Variants in PUS7 observed in about 807,000 individuals in gnomAD.
PUS7 encodes the protein pseudouridylate synthase 7 homolog.
In PUS7, 48 loss-of-function variants were observed where a neutral mutation model predicts 79.8. The observed-to-expected ratio is 0.60, with a 90% CI of 0.48 to 0.76. The LOEUF is 0.76. Ranked by LOEUF, PUS7 falls within the 30% of genes least tolerant of loss-of-function variation. The probability of loss-of-function intolerance (pLI) is 0.00; values close to 1 mark genes in which losing one functional copy is unlikely to be tolerated. For missense variants in PUS7, 729 were observed against 797.6 expected (o/e 0.91, Z 1.04); for synonymous variants, 286 against 272.2 (o/e 1.05, Z -0.50).
Position 105,459,227 on chromosome 7 carries a change from G to A in PUS7, c.1790C>T (p.Pro597Leu). The A allele has an allele frequency of 6.2e-7, 1 of 1,610,448 alleles. No individual in the cohort carries two copies. The highest frequency in any genetic ancestry group is 1.1e-5 in the South Asian group (1 of 90,476). ...EVVAYDDPKIPLFNTDVDNLE... is the reference protein window; with the variant it reads ...EVVAYDDPKILLFNTDVDNLE... ...GTTGTCCACATCTGTGTTGAAAAGT[G>A]GAATTTTGGGATCATCATATGCAAC... is the stretch of plus-strand genomic sequence containing the variant. Residue 597 changes from proline to leucine, a missense_variant, in exon 15 of 16, where the codon CCA (proline) becomes CTA (leucine). Physicochemically the swap from Pro to Leu is moderately conservative, Grantham distance 98 (BLOSUM62 -3). Coordinates refer to ENST00000469408, the MANE Select transcript of PUS7 (RefSeq NM_019042.5).
intron 5 of PUS7, among the ~76,000 whole-genome samples, chr7:105,496,648 T>C (rs1399525424): frequency 6.6e-6 from 1 of 152,160 alleles, no homozygotes; most frequent in East Asian, 1.9e-4. Context: ...TAAGTTACAA[T>C]GAAAAGAACA....
At chr7:105,518,188 C>T (rs1586190724) in intron 1 of PUS7, among the ~76,000 whole-genome samples, 1 of 151,634 alleles carries the variant, frequency 6.6e-6, no homozygotes, top group East Asian at 1.9e-4. Context: ...TGGCATGCAC[C>T]TGTAGTCCCA....
chr7:105,519,887 G>C (rs1361708072), intron 1 of PUS7, among the ~76,000 whole-genome samples: 1 of 152,198 alleles, frequency 6.6e-6, no homozygotes, highest in African/African-American at 2.4e-5. Flanking sequence ...GCTCCAGGCA[G>C]CCCGAACAGC....
intron 1 of PUS7, among the ~76,000 whole-genome samples, chr7:105,519,886 A>G (rs2133309412): frequency 6.6e-6 from 1 of 152,336 alleles, no homozygotes; most frequent in East Asian, 1.9e-4. Flanking sequence ...AGCTCCAGGC[A>G]GCCCGAACAG....
chr7:105,482,463 A>G (rs1437278072), intron 7 of PUS7, 23 bp from the exon 8 acceptor site: 1 of 1,559,578 alleles, frequency 6.4e-7, no homozygotes, highest in East Asian at 2.2e-5. Flanking sequence ...AAAAAAAAGC[A>G]ACAAAACAAA....
rs1825452323 is a variant in PUS7 at position 105,506,248 on chromosome 7, T to G, written c.424A>C (p.Ile142Leu). ...TGGCTGATCCGTCCATCTTTTCCTATTTCATGAACAACGAAGTCGGAGTAT... is the reference window on the plus strand; with the variant it reads ...TGGCTGATCCGTCCATCTTTTCCTAGTTCATGAACAACGAAGTCGGAGTAT... ...ERYSDFVVHE[I>L]GKDGRISHLN... is the part of the protein sequence containing the mutation. Residue 142 changes from isoleucine (I) to leucine (L), a missense_variant, in exon 3 of 16, where the codon ATA (isoleucine) becomes CTA (leucine). Physicochemically the swap from Ile to Leu is conservative, Grantham distance 5 (BLOSUM62 2). Transcript: ENST00000469408. 1 of 1,612,914 alleles carries G rather than the reference T, an allele frequency of 6.2e-7. No homozygotes were observed. The highest frequency in any genetic ancestry group is 1.3e-5 in the African/African-American group (1 of 74,896).
At position 105,498,628 on chromosome 7, in the gene PUS7, G is replaced by A. The variant is rs192429976; in HGVS notation, c.731-3375C>T. On this transcript the variant is annotated intron_variant, in intron 5 of 15. Coordinates refer to ENST00000469408, the MANE Select transcript of PUS7 (RefSeq NM_019042.5). ...AAGATGAAAAGATGGGGTAGCATGC[G>A]GAACATTCCTTCCTTCTTATTCAAG... is the stretch of plus-strand genomic sequence containing the variant. Among the ~76,000 whole-genome samples the A allele has an allele frequency of 4.3e-4, 65 of 152,176 alleles. 1 individual carries two copies. The highest frequency in any genetic ancestry group is 3.4e-3 in the Middle Eastern group (1 of 294).
intron 1 of PUS7, among the ~76,000 whole-genome samples, chr7:105,509,045 G>C (rs187957276): frequency 1.3e-5 from 2 of 150,344 alleles, no homozygotes; most frequent in East Asian, 3.9e-4. Context: ...CTAGCTGGGC[G>C]TGGTGGTAGG....
chr7:105,467,034 GTTTTTTTTTTTTTTTT>G (rs56177512), intron 12 of PUS7, among the ~76,000 whole-genome samples: 1 of 70,698 alleles, frequency 1.4e-5, no homozygotes. Flanking sequence ...AGTTTTTTCT[GTTTTTTTTTTTTTTTT>G]TTTTTTTTTT....
At chr7:105,468,173 T>C (rs1823733639) in intron 12 of PUS7, among the ~76,000 whole-genome samples, 164 bp downstream of exon 12, 1 of 152,140 alleles carries the variant, frequency 6.6e-6, no homozygotes, top group Non-Finnish European at 1.5e-5. Flanking sequence ...CCTCAGGTGA[T>C]CCACCCACCT....
intron 13 of PUS7, 134 bp from the exon 14 acceptor site, chr7:105,462,884 C>T (rs1014458354): frequency 3.6e-6 from 3 of 838,896 alleles, no homozygotes; most frequent in African/African-American, 1.7e-5. Context: ...ATTTATAATC[C>T]AAAATCTGTT....
chr7:105,474,702 A>G (rs1824016632), intron 9 of PUS7, among the ~76,000 whole-genome samples: 1 of 151,960 alleles, frequency 6.6e-6, no homozygotes, highest in African/African-American at 2.4e-5. Context: ...AACTGCTTGA[A>G]CCCAGGAGGC....
At chr7:105,505,880 C>T in intron 4 of PUS7, 75 bp downstream of exon 4, 1 of 1,165,194 alleles carries the variant, frequency 8.6e-7, no homozygotes, top group South Asian at 1.4e-5. Context: ...GTAATTTTTT[C>T]CATAAACACT....
chr7:105,458,850 C>T (rs1041628350), intron 15 of PUS7, among the ~76,000 whole-genome samples: 4 of 152,082 alleles, frequency 2.6e-5, no homozygotes, highest in Admixed American at 6.6e-5. Flanking sequence ...CGTGAGCCAC[C>T]GCACCTGCCC....
chr7:105,464,241 T>G (rs553476649), intron 13 of PUS7, among the ~76,000 whole-genome samples: 3 of 51,052 alleles, frequency 5.9e-5, no homozygotes, highest in African/African-American at 1.0e-4. Context: ...GGGTGTCAAC[T>G]TGACTGGGGT....
chr7:105,480,875 C>T (rs1228835084), intron 9 of PUS7, among the ~76,000 whole-genome samples, 177 bp downstream of exon 9: 2 of 152,120 alleles, frequency 1.3e-5, no homozygotes, highest in African/African-American at 2.4e-5. Flanking sequence ...AGGTCATATC[C>T]TTTTGAACTC....
At chr7:105,510,110 G>T (rs184359171) in intron 1 of PUS7, among the ~76,000 whole-genome samples, 1 of 152,180 alleles carries the variant, frequency 6.6e-6, no homozygotes, top group Non-Finnish European at 1.5e-5. Context: ...AGACCAGCCC[G>T]ATCAACAAGG....
rs561383871 is a variant in PUS7 at position 105,501,341 on chromosome 7, A to G, written c.730+1079T>C. 2.0e-5 allele frequency among the ~76,000 whole-genome samples: 3 copies of G among 152,316 alleles called. No homozygotes were observed. In the South Asian group the frequency reaches 6.2e-4, roughly 32 times the overall value. On this transcript the variant is annotated intron_variant, in intron 5 of 15. Transcript: ENST00000469408. ...GCTAGTAGGAGAGGAGGGTGAGGAA[A>G]TAACTTTTTCTTGTTGTAATTTTCA...
At chr7:105,461,421 A>G (rs818463) in intron 14 of PUS7, among the ~76,000 whole-genome samples, 1 of 152,084 alleles carries the variant, frequency 6.6e-6, no homozygotes, top group African/African-American at 2.4e-5. Context: ...GGGTCTCACT[A>G]TATTGCCCAG....
Sources: gnomAD v4.1 joint callset for allele counts (sites outside exome capture counted in the v4.1 genomes callset) on GRCh38, gnomAD v4.1.1 for gene constraint, MANE v1.5 for transcripts, NCBI Gene and HGNC (gene_info 2026-07-23, HGNC 2026-07-21) for gene names.